The following THRB variants were observed in gnomAD, a reference collection of about 807,000 sequenced individuals.
THRB encodes nuclear receptor subfamily 1 group A member 2.
Under a neutral mutation model 47.8 loss-of-function variants are expected in THRB, and 12 were observed. That is an observed-to-expected ratio of 0.25 (90% confidence interval 0.16 to 0.41). The LOEUF (loss-of-function observed/expected upper bound fraction) is 0.41. THRB is among the 10% of genes least tolerant of loss of function. The pLI is 1.00. For synonymous variants in THRB, 218 were observed against 212.2 expected (o/e 1.03, Z -0.24); for missense variants, 348 against 589.2 (o/e 0.59, Z 4.24).
chr3:24,279,302 A>G (rs2054273228), intron 3 of THRB, among the ~76,000 whole-genome samples: 2 of 152,240 alleles, frequency 1.3e-5, no homozygotes, highest in African/African-American at 4.8e-5. Flanking sequence ...TGGAAAGTTC[A>G]TGAGAGAGAA....
chr3:24,231,924 G>A (rs945512486), intron 3 of THRB, among the ~76,000 whole-genome samples: 9 of 152,308 alleles, frequency 5.9e-5, no homozygotes, highest in African/African-American at 1.2e-4. Context: ...CAAAAACAGC[G>A]AAGGGCTTTG....
At chr3:24,160,952 A>G (rs13097316) in intron 5 of THRB, among the ~76,000 whole-genome samples, 28,284 of 152,194 alleles carry the variant, frequency 0.19, 2,816 homozygotes, top group Non-Finnish European at 0.2. Context: ...AGTAAGGGCA[A>G]TGCATGCTCT....
Position 24,181,968 on chromosome 3 carries a change from A to G in THRB, c.283+8106T>C, listed in dbSNP as rs62256760. ...TGTAATCCCAGCACTTTGGGAGGCC[A>G]AGGTGGGCGGATCACGAGTTCAGGA... is the stretch of plus-strand genomic sequence containing the variant. On this transcript the variant is annotated intron_variant, in intron 5 of 10. Transcript: ENST00000646209. Among the ~76,000 whole-genome samples, 884 of 152,256 alleles carry G rather than the reference A, an allele frequency of 5.8e-3. 8 individuals are homozygous for G. The highest frequency in any genetic ancestry group is 0.042 in the South Asian group (202 of 4,820).
intron 3 of THRB, among the ~76,000 whole-genome samples, chr3:24,247,866 T>C (rs1020860854): frequency 3.3e-5 from 5 of 152,192 alleles, no homozygotes; most frequent in African/African-American, 1.2e-4. Flanking sequence ...GGGATATATA[T>C]ACTTCAAAAA....
At chr3:24,490,026 T>C (rs1697900523) in intron 1 of THRB, among the ~76,000 whole-genome samples, 1 of 152,130 alleles carries the variant, frequency 6.6e-6, no homozygotes, top group Non-Finnish European at 1.5e-5. Flanking sequence ...CCTCCTCAGA[T>C]ATAAAATAAC....
chr3:24,466,145 G>A (rs2125706322), intron 1 of THRB, among the ~76,000 whole-genome samples: 1 of 152,030 alleles, frequency 6.6e-6, no homozygotes, highest in East Asian at 1.9e-4. Context: ...GAATTAGTTT[G>A]TAAATGACTT....
chr3:24,397,440 C>T lies in THRB; in HGVS notation c.-260-60069G>A, dbSNP rs574801595. On this transcript the variant is annotated intron_variant, in intron 1 of 10. Transcript: ENST00000646209. ...CATCCATCAGCACATACCTAAAAAA[C>T]GTTTTTTCCGTCTTTTGCTCTTTCA... Among the ~76,000 whole-genome samples the T allele has an allele frequency of 1.1e-4, 16 of 152,158 alleles. No homozygotes were observed. The South Asian group carries it at 3.3e-3, about 32-fold the overall frequency.
At chr3:24,273,391 A>T (rs1214578497) in intron 3 of THRB, among the ~76,000 whole-genome samples, 1 of 152,236 alleles carries the variant, frequency 6.6e-6, no homozygotes, top group African/African-American at 2.4e-5. Flanking sequence ...CAATAAGATT[A>T]AAGTGGAATA....
chr3:24,491,349 T>G (rs577895103), intron 1 of THRB, among the ~76,000 whole-genome samples: 1 of 152,344 alleles, frequency 6.6e-6, no homozygotes, highest in Admixed American at 6.5e-5. Flanking sequence ...TCTTCAATTA[T>G]AATTTCCTTT....
At chr3:24,194,864 T>G (rs2043779999) in intron 4 of THRB, among the ~76,000 whole-genome samples, 1 of 152,182 alleles carries the variant, frequency 6.6e-6, no homozygotes, top group African/African-American at 2.4e-5. Context: ...GGAAATAGGA[T>G]TATGACAAAG....
intron 1 of THRB, among the ~76,000 whole-genome samples, chr3:24,463,067 G>A (rs980221515): frequency 2.0e-5 from 3 of 152,182 alleles, no homozygotes; most frequent in African/African-American, 7.2e-5. Flanking sequence ...TTGACAAAGA[G>A]CTTGATTTGC....
rs575765906 is a variant in THRB at position 24,148,694 on chromosome 3, G to C, written c.385-1872C>G. Among the ~76,000 whole-genome samples, 98 of 152,270 alleles carry C rather than the reference G, an allele frequency of 6.4e-4. 1 individual carries two copies. The highest frequency in any genetic ancestry group is 2.2e-3 in the African/African-American group (92 of 41,550). On this transcript the variant is annotated intron_variant, in intron 6 of 10. Coordinates refer to ENST00000646209, the MANE Select transcript of THRB (RefSeq NM_001354712.2). ...TTATGATCCCGGTTAATGTTCTTTG[G>C]CTTTGATTATATACGTATACCCTAT...
chr3:24,276,010 G>A (rs2053879187), intron 3 of THRB, among the ~76,000 whole-genome samples: 1 of 151,836 alleles, frequency 6.6e-6, no homozygotes, highest in South Asian at 2.1e-4. Flanking sequence ...AGAGAAGAAA[G>A]AAGTGTGGGA....
chr3:24,411,682 G>T (rs1320286901), intron 1 of THRB, among the ~76,000 whole-genome samples: 1 of 151,692 alleles, frequency 6.6e-6, no homozygotes, highest in Admixed American at 6.6e-5. Context: ...AGAGACATTT[G>T]GCAATACCTG....
intron 3 of THRB, among the ~76,000 whole-genome samples, chr3:24,287,498 G>A (rs905709130): frequency 9.2e-4 from 140 of 152,286 alleles, no homozygotes; most frequent in Middle Eastern, 3.4e-3. Flanking sequence ...ACTTGTATGA[G>A]GCCACTGTCC....
At chr3:24,481,576 A>C (rs923044786) in intron 1 of THRB, among the ~76,000 whole-genome samples, 1 of 152,136 alleles carries the variant, frequency 6.6e-6, no homozygotes, top group Non-Finnish European at 1.5e-5. Flanking sequence ...GGGTGTGGAC[A>C]CTGAATAGTG....
chr3:24,179,210 G>T (rs554810401), intron 5 of THRB, among the ~76,000 whole-genome samples: 1 of 152,238 alleles, frequency 6.6e-6, no homozygotes, highest in African/African-American at 2.4e-5. Flanking sequence ...CCTCCAAGGG[G>T]GTGGCAGGAA....
intron 1 of THRB, among the ~76,000 whole-genome samples, chr3:24,489,127 G>A (rs1316177227): frequency 2.0e-5 from 3 of 151,922 alleles, no homozygotes; most frequent in Non-Finnish European, 4.4e-5. Context: ...GGTGGCATGT[G>A]CCTGTAATTA....
In THRB at chr3:24,425,020, A is replaced by G. The variant is rs147956683; in HGVS notation, c.-261+69632T>C. 3.0e-3 allele frequency among the ~76,000 whole-genome samples: 455 copies of G among 152,054 alleles called. 3 individuals carry two copies. Among genetic ancestry groups the G allele is most frequent in the African/African-American group, 0.01 (428 of 41,534 alleles). ...TGTAGACTTATATTCCATTATATAA[A>G]TATGCCATAATTTATTTAATCCATC... On this transcript the variant is annotated intron_variant, in intron 1 of 10. Coordinates refer to ENST00000646209, the MANE Select transcript of THRB (RefSeq NM_001354712.2).
Sources: gnomAD v4.1 joint callset for allele counts (sites outside exome capture counted in the v4.1 genomes callset) on GRCh38, gnomAD v4.1.1 for gene constraint, MANE v1.5 for transcripts, NCBI Gene and HGNC (gene_info 2026-07-23, HGNC 2026-07-21) for gene names.